ITK: variants seen among roughly 807,000 people sequenced by gnomAD.
The protein encoded by ITK is tyrosine-protein kinase ITK/TSK.
In ITK, 45 loss-of-function variants were observed where a neutral mutation model predicts 87.6. The ratio of observed to expected loss-of-function variants is 0.51; its 90% CI spans 0.40 to 0.66. ITK has a LOEUF of 0.66. ITK is among the 30% of genes least tolerant of loss of function. ITK has a pLI of 0.00. For synonymous variants in ITK, 303 were observed against 273.6 expected (o/e 1.11, Z -1.06); for missense variants, 605 against 766.3 (o/e 0.79, Z 2.48).
At chr5:157,218,909 C>A (rs1180578188) in intron 5 of ITK, among the ~76,000 whole-genome samples, 1 of 151,964 alleles carries the variant, frequency 6.6e-6, no homozygotes, top group Admixed American at 6.6e-5. Flanking sequence ...GGGGAGGGGC[C>A]CAGGAATCTG....
intron 13 of ITK, 54 bp downstream of exon 13, chr5:157,244,532 A>C: frequency 1.1e-5 from 10 of 951,366 alleles, no homozygotes; most frequent in Non-Finnish European, 1.6e-5. Flanking sequence ...GACAGTTCTC[A>C]CTGAAATGAC....
At chr5:157,221,094 G>T (rs558532191) in intron 5 of ITK, among the ~76,000 whole-genome samples, 5 of 152,132 alleles carry the variant, frequency 3.3e-5, no homozygotes, top group South Asian at 4.1e-4. Context: ...AAAAAGGAAA[G>T]AAAAATAATA....
chr5:157,210,302 C>G (rs1321746264), intron 2 of ITK, among the ~76,000 whole-genome samples: 1 of 152,112 alleles, frequency 6.6e-6, no homozygotes, highest in African/African-American at 2.4e-5. Flanking sequence ...ACCATTCCTG[C>G]TTGCCAACCT....
At chr5:157,231,232 C>A (rs564042467) in intron 7 of ITK, among the ~76,000 whole-genome samples, 2 of 152,284 alleles carry the variant, frequency 1.3e-5, no homozygotes, top group Admixed American at 1.3e-4. Context: ...AATGCTCAGA[C>A]AAGATGAAGG....
intron 4 of ITK, 128 bp from the exon 5 acceptor site, chr5:157,217,739 T>G (rs1028029806): frequency 2.6e-6 from 2 of 779,766 alleles, no homozygotes; most frequent in Non-Finnish European, 4.5e-6. Flanking sequence ...TATTGCTCCT[T>G]CTGGCCCCCT....
At chr5:157,185,350 T>C (rs573794957) in intron 1 of ITK, among the ~76,000 whole-genome samples, 1 of 151,998 alleles carries the variant, frequency 6.6e-6, no homozygotes, top group Non-Finnish European at 1.5e-5. Context: ...GTGATTCCTC[T>C]GCCTCAGCCT....
intron 1 of ITK, among the ~76,000 whole-genome samples, chr5:157,198,123 G>GA (rs71577320): frequency 0.017 from 2,216 of 128,748 alleles, 59 homozygotes; most frequent in African/African-American, 0.06. Context: ...TATCTCTTAA[G>GA]AAAAAAAAAA....
chr5:157,199,895 C>T (rs1280454257), intron 1 of ITK: 1 of 152,108 alleles, frequency 6.6e-6, no homozygotes, highest in Non-Finnish European at 1.5e-5. Flanking sequence ...GCCGCCCTGC[C>T]CCCTCATCTA....
chr5:157,217,850 T>C lies in ITK; in HGVS notation c.455-17T>C, dbSNP rs1754330526. The C allele has an allele frequency of 1.2e-6, 2 of 1,613,096 alleles. No homozygotes were observed. Among genetic ancestry groups the C allele is most frequent in the Non-Finnish European group, 1.7e-6 (2 of 1,179,072 alleles). ...TTTTCATGCTCATTTTTTCTTTTCC[T>C]GTTTTTCTCTTTTCAGCTTCAAAGA... On this transcript the variant is annotated splice_polypyrimidine_tract_variant and intron_variant, in intron 4 of 16. Coordinates refer to ENST00000422843, the MANE Select transcript of ITK (RefSeq NM_005546.4).
At chr5:157,225,740 A>G (rs1754518467) in intron 6 of ITK, among the ~76,000 whole-genome samples, 2 of 152,210 alleles carry the variant, frequency 1.3e-5, no homozygotes, top group African/African-American at 4.8e-5. Flanking sequence ...TGAGCTAGTC[A>G]CATCACCTTC....
chr5:157,185,315 T>C (rs369611037), intron 1 of ITK, among the ~76,000 whole-genome samples: 11 of 152,078 alleles, frequency 7.2e-5, no homozygotes, highest in African/African-American at 2.7e-4. Flanking sequence ...CTTGGTTCAC[T>C]GCAACCTCTG....
chr5:157,189,263 T>C (rs1753704524), intron 1 of ITK, among the ~76,000 whole-genome samples: 1 of 152,202 alleles, frequency 6.6e-6, no homozygotes, highest in Non-Finnish European at 1.5e-5. Flanking sequence ...AAAATTAGAT[T>C]TGATTCCTAC....
chr5:157,181,523 T>G (rs1420187194), intron 1 of ITK, among the ~76,000 whole-genome samples: 1 of 152,256 alleles, frequency 6.6e-6, no homozygotes, highest in Non-Finnish European at 1.5e-5. Flanking sequence ...AATGGGATGA[T>G]CTACCCCAGC....
chr5:157,240,115 C>T lies in ITK; in HGVS notation c.905C>T (p.Pro302Leu). ...CACATCAAGGAAACAAATGACAATC[C>T]TAAGCGATACTATGTGGCTGAAAAG... ...HYHIKETNDN[P>L]KRYYVAEKYV... Residue 302 changes from proline (P) to leucine (L), a missense_variant, in exon 10 of 17, where the codon CCT becomes CTT. Transcript: ENST00000422843. 1 of 1,612,596 alleles carries T rather than the reference C, an allele frequency of 6.2e-7. No individual in the cohort carries two copies. The highest frequency in any genetic ancestry group is 8.5e-7 in the Non-Finnish European group (1 of 1,178,600).
At chr5:157,199,028 G>A (rs1422454811) in intron 1 of ITK, among the ~76,000 whole-genome samples, 1 of 152,206 alleles carries the variant, frequency 6.6e-6, no homozygotes, top group East Asian at 1.9e-4. Context: ...GCCTCCCAAA[G>A]TGTTGGGATT....
intron 13 of ITK, among the ~76,000 whole-genome samples, 156 bp downstream of exon 13, chr5:157,244,634 G>T (rs1295735225): frequency 6.6e-6 from 1 of 152,134 alleles, no homozygotes; most frequent in African/African-American, 2.4e-5. Context: ...GGTCCTAGTG[G>T]AAAGGGCTTC....
chr5:157,184,384 C>T (rs1033308052), intron 1 of ITK, among the ~76,000 whole-genome samples: 1 of 152,116 alleles, frequency 6.6e-6, no homozygotes, highest in Non-Finnish European at 1.5e-5. Context: ...TTAGCTACCT[C>T]GGGCCAGTAC....
chr5:157,188,520 G>C (rs1185732425), intron 1 of ITK, among the ~76,000 whole-genome samples: 2 of 152,178 alleles, frequency 1.3e-5, no homozygotes, highest in African/African-American at 4.8e-5. Flanking sequence ...GGTGAGACAA[G>C]TGAGACACAC....
chr5:157,200,049 T>C (rs1168787512), intron 1 of ITK, among the ~76,000 whole-genome samples: 2 of 148,420 alleles, frequency 1.3e-5, no homozygotes, highest in African/African-American at 5.0e-5. Flanking sequence ...CAAGGGTTTG[T>C]TAAAAAAGAG....
Sources: allele counts gnomAD v4.1 joint callset (sites outside exome capture counted in the v4.1 genomes callset), GRCh38; gene constraint gnomAD v4.1.1; transcripts MANE v1.5; gene names NCBI Gene and HGNC (gene_info 2026-07-23, HGNC 2026-07-21).